Variants in HIC1 observed in about 807,000 individuals in gnomAD.
HIC1 encodes the protein HIC ZBTB transcriptional repressor 1, also known as hypermethylated in cancer 1 protein.
Under a neutral mutation model 26.4 loss-of-function variants are expected in HIC1, and 9 were observed. That is an observed-to-expected ratio of 0.34 (90% CI 0.21 to 0.59). The LOEUF (loss-of-function observed/expected upper bound fraction) is 0.59. HIC1 is among the 20% of genes least tolerant of loss of function. The pLI is 0.82. For missense variants in HIC1, 965 were observed against 1,075.7 expected, an observed-to-expected ratio of 0.90 and a Z score of 1.44; for synonymous variants, 631 against 523.1, an observed-to-expected ratio of 1.21 and a Z score of -2.81.
rs2067684108 is a variant in HIC1, at chr17:2,057,548, C to T, written c.858C>T (p.Asp286=). The change falls in exon 2 of 2, where the codon GAC becomes GAT. Residue 286 remains aspartate (D), a synonymous_variant. Coordinates refer to ENST00000619757, the MANE Select transcript of HIC1 (RefSeq NM_006497.4). ...TGGAGGAGGCCGCACCGCCTTCCGA[C>T]CCATTTCGCGGCGGCAGCGGCAGCC... The part of the protein sequence containing the change: ...QKLEEAAPPS[D]PFRGGSGSPG... 6.7e-6 allele frequency: 10 copies of T among 1,500,290 alleles called. No homozygotes were observed. The highest frequency in any genetic ancestry group is 8.0e-6 in the Non-Finnish European group (9 of 1,130,174). 92.9% of individuals were successfully genotyped at this position (1,500,290 alleles called of 1,614,324 possible). A position where few individuals can be genotyped will look rare whatever the true frequency, so the allele number is the denominator to read the frequency against.
Position 2,057,129 on chromosome 17 carries a change from G to A in HIC1, c.439G>A (p.Gly147Ser). The change falls in exon 2 of 2, where the codon GGC becomes AGC. Residue 147 changes from glycine to serine, a missense_variant. Physicochemically the swap from Gly to Ser is moderately conservative, Grantham distance 56. Transcript: ENST00000619757. ...CCTGCGGGGCGGCGGCGGCGGCGGC[G>A]GCGGCTACGCGCCCTATGGTCGGCC... ...CHLRGGGGGG[G>S]GYAPYGRPGR... The A allele has an allele frequency of 3.8e-6, 5 of 1,311,914 alleles. No individual in the cohort carries two copies. The highest frequency in any genetic ancestry group is 5.4e-4 in the Middle Eastern group (2 of 3,732). The allele number at this position is 1,311,914 out of a possible 1,614,324, so 81.3% of individuals were successfully genotyped here.
chr17:2,059,129 G>GC lies in HIC1; in HGVS notation c.*299dup, dbSNP rs960327886. On this transcript the variant is annotated 3_prime_UTR_variant, in exon 2 of 2. Transcript: ENST00000619757. Reference sequence around the variant, plus strand: ...TCCCGCCTCTTCCTGTGGTTCGTCGGCCCCCTCCCCCGGCTCCGCGCTGCT... The same window carrying GC: ...TCCCGCCTCTTCCTGTGGTTCGTCGGCCCCCCTCCCCCGGCTCCGCGCTGCT... The GC allele has an allele frequency of 5.9e-6, 2 of 341,730 alleles. No homozygotes were observed. Among genetic ancestry groups the GC allele is most frequent in the South Asian group, 9.6e-5 (1 of 10,460 alleles). 21.2% of individuals were successfully genotyped at this position (341,730 alleles called of 1,614,324 possible).
chr17:2,057,113 C>T lies in HIC1; in HGVS notation c.423C>T (p.Gly141=), dbSNP rs2067679615. 1.6e-6 allele frequency: 2 copies of T among 1,245,320 alleles called. No individual in the cohort carries two copies. The highest frequency in any genetic ancestry group is 2.0e-6 in the Non-Finnish European group (2 of 987,560). The allele number at this position is 1,245,320 out of a possible 1,614,324, so 77.1% of individuals were successfully genotyped here. Residue 141 remains glycine, a synonymous_variant, in exon 2 of 2, where the codon GGC becomes GGT. Coordinates refer to ENST00000619757, the MANE Select transcript of HIC1 (RefSeq NM_006497.4). The part of the protein sequence containing the change: ...KRHGKYCHLR[G]GGGGGGGYAP... ...ACGGCAAGTACTGCCACCTGCGGGG[C>T]GGCGGCGGCGGCGGCGGCGGCTACG...
chr17:2,059,629 C>T lies in HIC1; in HGVS notation c.*794C>T, dbSNP rs1306524336. On this transcript the variant is annotated 3_prime_UTR_variant, in exon 2 of 2. Transcript: ENST00000619757. ...TTTCCTACCTTGTACACAGGCTCTT[C>T]CAGAGCCGCTTCCATTTTCTATACT... 1 of 167,164 alleles carries T rather than the reference C, an allele frequency of 6.0e-6. No individual in the cohort carries two copies. Among genetic ancestry groups the T allele is most frequent in the East Asian group, 1.9e-4 (1 of 5,194 alleles). 10.4% of individuals were successfully genotyped at this position (167,164 alleles called of 1,614,324 possible).
chr17:2,058,863 C>A lies in HIC1; in HGVS notation c.*28C>A. 1 of 1,411,568 alleles carries A rather than the reference C, an allele frequency of 7.1e-7. No individual in the cohort carries two copies. Among genetic ancestry groups the A allele is most frequent in the Admixed American group, 3.3e-5 (1 of 30,136 alleles). 87.4% of individuals were successfully genotyped at this position (1,411,568 alleles called of 1,614,324 possible). A position where few individuals can be genotyped will look rare whatever the true frequency, so the allele number is the denominator to read the frequency against. On this transcript the variant is annotated 3_prime_UTR_variant, in exon 2 of 2. Transcript: ENST00000619757. ...CGCCCCTCGCCAGCCCGCTCTGTCGCTGCTGCGCGGCCCTGGCCCGCACCC... is the reference window on the plus strand; with the variant it reads ...CGCCCCTCGCCAGCCCGCTCTGTCGATGCTGCGCGGCCCTGGCCCGCACCC...
In HIC1 at chr17:2,062,314, C is replaced by T. The variant is rs917753184; in HGVS notation, c.*3479C>T. 4 of 152,254 alleles carry T rather than the reference C, an allele frequency of 2.6e-5. No individual in the cohort carries two copies. The highest frequency in any genetic ancestry group is 4.8e-5 in the African/African-American group (2 of 41,446). The allele number at this position is 152,254 out of a possible 1,614,324, so 9.4% of individuals were successfully genotyped here. On this transcript the variant is annotated 3_prime_UTR_variant, in exon 2 of 2. Transcript: ENST00000619757. ...AGTTAAGATGATGATCCCAGTTCTC[C>T]GTCTTGTACCCCAGGGAAGACCTGT...
rs1166395385 is a variant in HIC1, at chr17:2,058,028, G to T, written c.1338G>T (p.Ala446=). ...HVEAHVEEEE[A]LYGRAEAAEV... ...AGGCTCACGTGGAGGAGGAGGAAGC[G>T]CTGTACGGCAGGGCCGAGGCGGCCG... The change falls in exon 2 of 2, where the codon GCG becomes GCT. Residue 446 remains alanine (A), a synonymous_variant. Coordinates refer to ENST00000619757, the MANE Select transcript of HIC1 (RefSeq NM_006497.4). The T allele has an allele frequency of 3.1e-5, 49 of 1,596,908 alleles. No individual in the cohort carries two copies. The highest frequency in any genetic ancestry group is 4.0e-5 in the Non-Finnish European group (47 of 1,172,654).
chr17:2,060,501 A>G lies in HIC1; in HGVS notation c.*1666A>G. The G allele has an allele frequency of 6.6e-6, 1 of 152,358 alleles. No homozygotes were observed. The highest frequency in any genetic ancestry group is 1.5e-5 in the Non-Finnish European group (1 of 68,068). 9.4% of individuals were successfully genotyped at this position (152,358 alleles called of 1,614,324 possible). A position where few individuals can be genotyped will look rare whatever the true frequency, so the allele number is the denominator to read the frequency against. The stretch of plus-strand genomic sequence containing the variant: ...CCTGTACTAGGTTCCTGCCATGGGT[A>G]GTAGAGAGGGAAAGTTCAGAGTGAG... On this transcript the variant is annotated 3_prime_UTR_variant, in exon 2 of 2. Transcript: ENST00000619757.
In HIC1 at chr17:2,062,117, T is replaced by G. The variant is rs2067798960; in HGVS notation, c.*3282T>G. On this transcript the variant is annotated 3_prime_UTR_variant, in exon 2 of 2. Coordinates refer to ENST00000619757, the MANE Select transcript of HIC1 (RefSeq NM_006497.4). ...AAATGTATCCAGGGTTTTCCAGATG[T>G]GGGGAGAGGGGTTAAGGGAGCCCTG... 1 of 156,342 alleles carries G rather than the reference T, an allele frequency of 6.4e-6. No homozygotes were observed. Among genetic ancestry groups the G allele is most frequent in the Non-Finnish European group, 1.4e-5 (1 of 70,482 alleles). The allele number at this position is 156,342 out of a possible 1,614,324, so 9.7% of individuals were successfully genotyped here.
chr17:2,058,030 T>C lies in HIC1; in HGVS notation c.1340T>C (p.Leu447Pro). The C allele has an allele frequency of 3.8e-6, 6 of 1,596,438 alleles. No individual in the cohort carries two copies. Among genetic ancestry groups the C allele is most frequent in the Non-Finnish European group, 5.1e-6 (6 of 1,172,406 alleles). Residue 447 changes from leucine (L) to proline (P), a missense_variant, in exon 2 of 2, where the codon CTG (leucine) becomes CCG (proline). Leu to Pro is a moderately conservative substitution (Grantham distance 98). Transcript: ENST00000619757. ...VEAHVEEEEA[L>P]YGRAEAAEVA... The stretch of plus-strand genomic sequence containing the variant: ...GCTCACGTGGAGGAGGAGGAAGCGC[T>C]GTACGGCAGGGCCGAGGCGGCCGAA...
chr17:2,058,673 C>A lies in HIC1; in HGVS notation c.1983C>A (p.Phe661Leu). ...AGCTGCTGGCGCAGACCACGCACTT[C>A]CTGCACGACCCCAAGGTGGCGCTGG... Reference protein sequence around the residue: ...AAELLAQTTHFLHDPKVALES... With the variant: ...AAELLAQTTHLLHDPKVALES... Residue 661 changes from phenylalanine to leucine, a missense_variant, in exon 2 of 2, where the codon TTC becomes TTA. Coordinates refer to ENST00000619757, the MANE Select transcript of HIC1 (RefSeq NM_006497.4). The A allele has an allele frequency of 6.4e-7, 1 of 1,559,024 alleles. No homozygotes were observed. The highest frequency in any genetic ancestry group is 8.6e-7 in the Non-Finnish European group (1 of 1,157,938).
Position 2,061,690 on chromosome 17 carries a change from C to T in HIC1, c.*2855C>T. ...GGCAGAGGGCTGGCTGCTCTTCTCA[C>T]CCTGGAGAATGTGGTCCTGGGGAGG... On this transcript the variant is annotated 3_prime_UTR_variant, in exon 2 of 2. Transcript: ENST00000619757. 1.3e-6 allele frequency: 2 copies of T among 1,514,604 alleles called. No homozygotes were observed. The highest frequency in any genetic ancestry group is 1.8e-6 in the Non-Finnish European group (2 of 1,121,678). 93.8% of individuals were successfully genotyped at this position (1,514,604 alleles called of 1,614,324 possible). A position where few individuals can be genotyped will look rare whatever the true frequency, so the allele number is the denominator to read the frequency against.
At position 2,061,614 on chromosome 17, in the gene HIC1, T is replaced by A; in HGVS notation, c.*2779T>A. ...AGCACCACCTCCCGCAGTAGCCGGA[T>A]TGGCTCCTCTGTGGGCATGAGAGAG... is the stretch of plus-strand genomic sequence containing the variant. On this transcript the variant is annotated 3_prime_UTR_variant, in exon 2 of 2. Coordinates refer to ENST00000619757, the MANE Select transcript of HIC1 (RefSeq NM_006497.4). 6.4e-7 allele frequency: 1 copy of A among 1,571,558 alleles called. No homozygotes were observed. Among genetic ancestry groups the A allele is most frequent in the South Asian group, 1.2e-5 (1 of 85,802 alleles).
At position 2,057,888 on chromosome 17, in the gene HIC1, T is replaced by A. The variant is rs745930978; in HGVS notation, c.1198T>A (p.Tyr400Asn). The change falls in exon 2 of 2, where the codon TAC (tyrosine) becomes AAC (asparagine). Residue 400 changes from tyrosine (Y) to asparagine (N), a missense_variant. This residue lies in a region of HIC1 where 526 missense variants were observed against 525.0 expected (regional missense o/e 1.00). Transcript: ENST00000619757. Reference sequence around the variant, plus strand: ...CCCGCCTGGCGGCCACCTCGAGGGCTACCCATGCCCGCACCTGGCCTATGG... The same window carrying A: ...CCCGCCTGGCGGCCACCTCGAGGGCAACCCATGCCCGCACCTGGCCTATGG... Reference protein sequence around the residue: ...PSPPGGHLEGYPCPHLAYGEP... With the variant: ...PSPPGGHLEGNPCPHLAYGEP... The A allele has an allele frequency of 6.2e-7, 1 of 1,602,652 alleles. No individual in the cohort carries two copies. Among genetic ancestry groups the A allele is most frequent in the Non-Finnish European group, 8.5e-7 (1 of 1,175,302 alleles).
Position 2,057,172 on chromosome 17 carries a change from C to T in HIC1, c.482C>T (p.Ala161Val), listed in dbSNP as rs2067680225. 1.5e-6 allele frequency: 2 copies of T among 1,329,600 alleles called. No individual in the cohort carries two copies. The highest frequency in any genetic ancestry group is 3.1e-5 in the African/African-American group (2 of 64,614). The allele number at this position is 1,329,600 out of a possible 1,614,324, so 82.4% of individuals were successfully genotyped here. Residue 161 changes from alanine (A) to valine (V), a missense_variant, in exon 2 of 2, where the codon GCC becomes GTC. Physicochemically the swap from Ala to Val is moderately conservative, Grantham distance 64. Coordinates refer to ENST00000619757, the MANE Select transcript of HIC1 (RefSeq NM_006497.4). Reference sequence around the variant, plus strand: ...GGTCGGCCGGGCCGGGGCCTGCGGGCCGCCACGCCGGTCATCCAGGCCTGC... The same window carrying T: ...GGTCGGCCGGGCCGGGGCCTGCGGGTCGCCACGCCGGTCATCCAGGCCTGC... ...PYGRPGRGLR[A>V]ATPVIQACYP...
rs1361972333 is a variant in HIC1, at chr17:2,058,996, C to T, written c.*161C>T. On this transcript the variant is annotated 3_prime_UTR_variant, in exon 2 of 2. Coordinates refer to ENST00000619757, the MANE Select transcript of HIC1 (RefSeq NM_006497.4). ...GCGGCCTCACCTGGCCTCACTGCTTCGTGCCTTAGCTCGGGGGTCGGGGGA... is the reference window on the plus strand; with the variant it reads ...GCGGCCTCACCTGGCCTCACTGCTTTGTGCCTTAGCTCGGGGGTCGGGGGA... 6.8e-6 allele frequency: 4 copies of T among 588,784 alleles called. No individual in the cohort carries two copies. The highest frequency in any genetic ancestry group is 4.4e-5 in the Admixed American group (1 of 22,938). The allele number at this position is 588,784 out of a possible 1,614,324, so 36.5% of individuals were successfully genotyped here.
At position 2,057,364 on chromosome 17, in the gene HIC1, T is replaced by C. The variant is rs1320680788; in HGVS notation, c.674T>C (p.Leu225Pro). The change falls in exon 2 of 2, where the codon CTG (leucine) becomes CCG (proline). Residue 225 changes from leucine (L) to proline (P), a missense_variant. Coordinates refer to ENST00000619757, the MANE Select transcript of HIC1 (RefSeq NM_006497.4). ...RRCSPLCGLD[L>P]SKKSPPGSAA... ...TGCTCCCCTCTTTGTGGCCTGGACC[T>C]GTCCAAGAAGAGCCCGCCGGGCTCC... 1.4e-6 allele frequency: 2 copies of C among 1,480,486 alleles called. No individual in the cohort carries two copies. Among genetic ancestry groups the C allele is most frequent in the Admixed American group, 2.4e-5 (1 of 41,860 alleles). 91.7% of individuals were successfully genotyped at this position (1,480,486 alleles called of 1,614,324 possible).
At position 2,058,562 on chromosome 17, in the gene HIC1, C is replaced by G; in HGVS notation, c.1872C>G (p.Leu624=). The G allele has an allele frequency of 6.5e-7, 1 of 1,550,100 alleles. No individual in the cohort carries two copies. Among genetic ancestry groups the G allele is most frequent in the Non-Finnish European group, 8.7e-7 (1 of 1,155,708 alleles). ...CCGGCCCCGACGGCAAGGGCAAGCT[C>G]GACTTCCCCGAGGGCGTCTTTGCTG... The part of the protein sequence containing the change: ...GVPGPDGKGK[L]DFPEGVFAVA... Residue 624 remains leucine, a synonymous_variant, in exon 2 of 2, where the codon CTC becomes CTG. Coordinates refer to ENST00000619757, the MANE Select transcript of HIC1 (RefSeq NM_006497.4).
In HIC1 at chr17:2,056,800, C is replaced by A; in HGVS notation, c.110C>A (p.Ala37Asp). 3.1e-6 allele frequency: 5 copies of A among 1,612,802 alleles called. No individual in the cohort carries two copies. Among genetic ancestry groups the A allele is most frequent in the Non-Finnish European group, 4.2e-6 (5 of 1,179,856 alleles). ...LCDVIIVVQNALFRAHKNVLA... is the reference protein window; with the variant it reads ...LCDVIIVVQNDLFRAHKNVLA... Reference sequence around the variant, plus strand: ...GACGTGATCATCGTGGTGCAGAACGCCCTCTTCCGCGCGCACAAGAACGTG... The same window carrying A: ...GACGTGATCATCGTGGTGCAGAACGACCTCTTCCGCGCGCACAAGAACGTG... Residue 37 changes from alanine to aspartate, a missense_variant, in exon 2 of 2, where the codon GCC (alanine) becomes GAC (aspartate). Physicochemically the swap from Ala to Asp is moderately radical, Grantham distance 126. Coordinates refer to ENST00000619757, the MANE Select transcript of HIC1 (RefSeq NM_006497.4).
Sources: allele counts gnomAD v4.1 joint callset, GRCh38; gene constraint gnomAD v4.1.1; regional missense constraint gnomAD v4.1.1; transcripts MANE v1.5; gene names NCBI Gene and HGNC (gene_info 2026-07-23, HGNC 2026-07-21).